The following SYNE2 variants were observed in gnomAD, a reference collection of about 807,000 sequenced individuals.
SYNE2 encodes nesprin-2.
In SYNE2, 431 loss-of-function variants were observed where a neutral mutation model predicts 856.3. That is an observed-to-expected ratio of 0.50 (90% CI 0.47 to 0.55). The LOEUF (loss-of-function observed/expected upper bound fraction) is 0.55. Among genes scored for constraint, SYNE2 ranks in the 20% least tolerant of loss-of-function variants. SYNE2 has a pLI of 0.00. For synonymous variants in SYNE2, 2,923 were observed against 2,872.3 expected (o/e 1.02, Z -0.56); for missense variants, 8,129 against 8,023.2 (o/e 1.01, Z -0.50).
intron 88 of SYNE2, chr14:64,162,614 A>C (rs1217943462): frequency 2.8e-6 from 1 of 363,180 alleles, no homozygotes; most frequent in Non-Finnish European, 5.3e-6. Flanking sequence ...AGAATAATAC[A>C]TGTTGTATCT....
Position 64,132,443 on chromosome 14 carries a change from T to G in SYNE2, c.14514+5T>G. The G allele has an allele frequency of 7.4e-6, 12 of 1,614,136 alleles. No individual in the cohort carries two copies. The highest frequency in any genetic ancestry group is 9.3e-6 in the Non-Finnish European group (11 of 1,179,996). On this transcript the variant is annotated splice_donor_5th_base_variant and intron_variant, in intron 77 of 115. Coordinates refer to ENST00000555002, the MANE Select transcript of SYNE2 (RefSeq NM_182914.3). Reference sequence around the variant, plus strand: ...AAGCTGCAGAGTTTGTTGCAGGTATTTGGGTTATGTAAACGTTGTACTGAA... The same window carrying G: ...AAGCTGCAGAGTTTGTTGCAGGTATGTGGGTTATGTAAACGTTGTACTGAA...
intron 1 of SYNE2, among the ~76,000 whole-genome samples, chr14:63,794,307 C>T (rs368517282): frequency 1.3e-5 from 2 of 152,064 alleles, no homozygotes; most frequent in Non-Finnish European, 2.9e-5. Flanking sequence ...CCACAACCTC[C>T]GCCTCCTGAG....
At chr14:63,853,855 T>A (rs948388817) in intron 1 of SYNE2, among the ~76,000 whole-genome samples, 1 of 152,096 alleles carries the variant, frequency 6.6e-6, no homozygotes, top group Non-Finnish European at 1.5e-5. Flanking sequence ...TTGTCTGAAA[T>A]TGCCTTTAGG....
At position 63,860,600 on chromosome 14, in the gene SYNE2, A is replaced by C. The variant is rs186941883; in HGVS notation, c.-52+7457A>C. Among the ~76,000 whole-genome samples, 623 of 152,228 alleles carry C rather than the reference A, an allele frequency of 4.1e-3. 9 individuals are homozygous for C. Among genetic ancestry groups the C allele is most frequent in the African/African-American group, 0.014 (585 of 41,538 alleles). ...GATTTGGTGCTTGGATTTTCCTAGA[A>C]TTTGCCAATTACTTGTTGCTCTGGT... On this transcript the variant is annotated intron_variant, in intron 1 of 115. Coordinates refer to ENST00000555002, the MANE Select transcript of SYNE2 (RefSeq NM_182914.3).
At chr14:64,033,986 T>C (rs1190443700) in intron 45 of SYNE2, among the ~76,000 whole-genome samples, 1 of 152,224 alleles carries the variant, frequency 6.6e-6, no homozygotes, top group Non-Finnish European at 1.5e-5. Flanking sequence ...CTGTATTTTC[T>C]TGTATGTAAT....
At chr14:64,050,236 C>G (rs147295453) in intron 47 of SYNE2, among the ~76,000 whole-genome samples, 4 of 152,262 alleles carry the variant, frequency 2.6e-5, no homozygotes, top group Admixed American at 6.5e-5. Flanking sequence ...TCTGGAGTCT[C>G]TTTTATAAGG....
In SYNE2 at chr14:64,140,439, G is replaced by A. The variant is rs139783335; in HGVS notation, c.14976+366G>A. On this transcript the variant is annotated intron_variant, in intron 80 of 115. Transcript: ENST00000555002. ...CTCTACTAAAAATACAGAATTAGCCGAGCATGGTGGTGCATGCCTGTAATC... is the reference window on the plus strand; with the variant it reads ...CTCTACTAAAAATACAGAATTAGCCAAGCATGGTGGTGCATGCCTGTAATC... Among the ~76,000 whole-genome samples, 837 of 152,104 alleles carry A rather than the reference G, an allele frequency of 5.5e-3. 8 individuals carry two copies. The highest frequency in any genetic ancestry group is 0.019 in the African/African-American group (778 of 41,488).
rs1403912394 is a variant in SYNE2 at position 64,065,617 on chromosome 14, A to G, written c.10398A>G (p.Glu3466=). The G allele has an allele frequency of 1.2e-6, 2 of 1,614,172 alleles. No individual in the cohort carries two copies. The highest frequency in any genetic ancestry group is 2.2e-5 in the East Asian group (1 of 44,884). ...AAGAGTGGGAGATGTGGTGCGAAGA[A>G]CTGAAGCAGGAATGGAAATTTGTCA... ...AAKEWEMWCE[E]LKQEWKFVSE... is the part of the protein sequence containing the mutation. The change falls in exon 51 of 116, where the codon GAA becomes GAG. Residue 3466 remains glutamate (E), a synonymous_variant. Transcript: ENST00000555002.
In SYNE2 at chr14:64,049,846, C is replaced by G. The variant is rs748653911; in HGVS notation, c.7613C>G (p.Ala2538Gly). Residue 2538 changes from alanine to glycine, a missense_variant, in exon 47 of 116, where the codon GCC (alanine) becomes GGC (glycine). Coordinates refer to ENST00000555002, the MANE Select transcript of SYNE2 (RefSeq NM_182914.3). Reference protein sequence around the residue: ...YLAAVESSMKALLTDKESLKV... With the variant: ...YLAAVESSMKGLLTDKESLKV... Reference sequence around the variant, plus strand: ...GCTGCAGTTGAATCTTCAATGAAAGCCTTGTTGACAGACAAGGAAAGTCTT... The same window carrying G: ...GCTGCAGTTGAATCTTCAATGAAAGGCTTGTTGACAGACAAGGAAAGTCTT... The G allele has an allele frequency of 2.5e-6, 4 of 1,614,014 alleles. No homozygotes were observed. In the South Asian group the frequency reaches 3.3e-5, roughly 13 times the overall value.
In SYNE2 at chr14:64,163,403, A is replaced by C; in HGVS notation, c.16301A>C (p.Glu5434Ala). The C allele has an allele frequency of 6.2e-7, 1 of 1,613,866 alleles. No homozygotes were observed. The highest frequency in any genetic ancestry group is 8.5e-7 in the Non-Finnish European group (1 of 1,180,024). Residue 5434 changes from glutamate (E) to alanine (A), a missense_variant and splice_region_variant, in exon 89 of 116, where the codon GAG becomes GCG. Physicochemically the swap from Glu to Ala is moderately radical, Grantham distance 107 (BLOSUM62 -1). This residue lies in a region of SYNE2 where 5,410 missense variants were observed against 5,284.8 expected (regional missense o/e 1.02). Coordinates refer to ENST00000555002, the MANE Select transcript of SYNE2 (RefSeq NM_182914.3). Reference protein sequence around the residue: ...ILPPALQDIKELQHDVQKTKE... With the variant: ...ILPPALQDIKALQHDVQKTKE... ...TTGCCATCCCTTTTTCTTCTGCAGG[A>C]GCTGCAGCATGATGTGCAGAAAACA...
chr14:64,225,323 C>T lies in SYNE2; in HGVS notation c.20521C>T (p.Pro6841Ser), dbSNP rs1356063795. Residue 6841 changes from proline (P) to serine (S), a missense_variant, in exon 116 of 116, where the codon CCC becomes TCC. Physicochemically the swap from Pro to Ser is moderately conservative, Grantham distance 74 (BLOSUM62 -1). Transcript: ENST00000555002. Reference sequence around the variant, plus strand: ...CTCAACCTCCTCTGTTGGCAGGGTCCCCGGCAGCACACGGCCACAGCGCTC... The same window carrying T: ...CTCAACCTCCTCTGTTGGCAGGGTCTCCGGCAGCACACGGCCACAGCGCTC... Reference protein sequence around the residue: ...EGEEETESRVPGSTRPQRSFL... With the variant: ...EGEEETESRVSGSTRPQRSFL... The T allele has an allele frequency of 1.2e-6, 2 of 1,614,094 alleles. No individual in the cohort carries two copies. The highest frequency in any genetic ancestry group is 2.2e-5 in the East Asian group (1 of 44,886).
intron 2 of SYNE2, among the ~76,000 whole-genome samples, chr14:63,919,972 G>GT (rs10673123): frequency 0.02 from 2,256 of 110,558 alleles, 49 homozygotes; most frequent in African/African-American, 0.03. Context: ...TAAAAGGTAA[G>GT]TTTTTTTTTT....
intron 58 of SYNE2, among the ~76,000 whole-genome samples, chr14:64,088,276 T>C (rs911118174): frequency 5.3e-5 from 8 of 152,236 alleles, no homozygotes; most frequent in African/African-American, 1.7e-4. Flanking sequence ...TTCTCATTTG[T>C]GGAATTATAT....
In SYNE2 at chr14:64,225,690, T is replaced by TTTCAGATTG. The variant is rs2098715928; in HGVS notation, c.*166_*174dup. 1.3e-6 allele frequency: 1 copy of TTTCAGATTG among 779,470 alleles called. No homozygotes were observed. The highest frequency in any genetic ancestry group is 2.2e-6 in the Non-Finnish European group (1 of 461,586). The allele number at this position is 779,470 out of a possible 1,614,324, so 48.3% of individuals were successfully genotyped here. A position where few individuals can be genotyped will look rare whatever the true frequency, so the allele number is the denominator to read the frequency against. ...CGGGCTCCCTGGAGCCCAGGGCAGC[T>TTTCAGATTG]TTCAGATTGTGTTCCTCCCCAGGAG... On this transcript the variant is annotated 3_prime_UTR_variant, in exon 116 of 116. Transcript: ENST00000555002.
At chr14:63,912,294 T>C (rs2095482410) in intron 2 of SYNE2, among the ~76,000 whole-genome samples, 1 of 152,142 alleles carries the variant, frequency 6.6e-6, no homozygotes, top group South Asian at 2.1e-4. Flanking sequence ...CAGACACTTG[T>C]ATATATTTCT....
rs75285394 is a variant in SYNE2 at position 64,133,396 on chromosome 14, A to G, written c.14515-673A>G. On this transcript the variant is annotated intron_variant, in intron 77 of 115. Coordinates refer to ENST00000555002, the MANE Select transcript of SYNE2 (RefSeq NM_182914.3). ...AAAAGCCAAGTGAGCCACTATGTGA[A>G]TAGATATGGAAAAGAGTGAGGTGGT... Among the ~76,000 whole-genome samples, 552 of 152,262 alleles carry G rather than the reference A, an allele frequency of 3.6e-3. 2 individuals carry two copies. The highest frequency in any genetic ancestry group is 6.4e-3 in the Non-Finnish European group (438 of 68,008).
In SYNE2 at chr14:64,024,525, C is replaced by T. The variant is rs2096962500; in HGVS notation, c.5840+66C>T. On this transcript the variant is annotated intron_variant, in intron 39 of 115. Transcript: ENST00000555002. ...CCATATCTTTATTTGTACTCTGCCTCAGCGCAGAGAGCACTGGGATACGCA... is the reference window on the plus strand; with the variant it reads ...CCATATCTTTATTTGTACTCTGCCTTAGCGCAGAGAGCACTGGGATACGCA... 1.4e-5 allele frequency: 21 copies of T among 1,462,616 alleles called. No individual in the cohort carries two copies. In the South Asian group the frequency reaches 2.3e-4, roughly 16 times the overall value. The allele number at this position is 1,462,616 out of a possible 1,614,324, so 90.6% of individuals were successfully genotyped here. A position where few individuals can be genotyped will look rare whatever the true frequency, so the allele number is the denominator to read the frequency against.
chr14:63,812,129 G>T (rs1420397346), intron 1 of SYNE2, among the ~76,000 whole-genome samples: 2 of 152,254 alleles, frequency 1.3e-5, no homozygotes, highest in East Asian at 3.9e-4. Flanking sequence ...AGACCAGGGT[G>T]TATTTCAGTC....
At chr14:64,106,139 C>A (rs541202464) in intron 64 of SYNE2, among the ~76,000 whole-genome samples, 3 of 148,474 alleles carry the variant, frequency 2.0e-5, no homozygotes, top group Admixed American at 6.7e-5. Context: ...CAGACCCCCC[C>A]CCCCAACCAA....
Sources: gnomAD v4.1 joint callset for allele counts (sites outside exome capture counted in the v4.1 genomes callset) on GRCh38, gnomAD v4.1.1 for gene constraint, gnomAD v4.1.1 regional missense constraint, MANE v1.5 for transcripts, NCBI Gene and HGNC (gene_info 2026-07-23, HGNC 2026-07-21) for gene names.